Variants in PPP1R16B observed in about 807,000 individuals in gnomAD.
PPP1R16B encodes protein phosphatase 1 regulatory subunit 16B.
Under a neutral mutation model 61.7 loss-of-function variants are expected in PPP1R16B, and 14 were observed. The ratio of observed to expected loss-of-function variants is 0.23; its 90% CI spans 0.15 to 0.35. The LOEUF is 0.35. Ranked by LOEUF, PPP1R16B falls within the 10% of genes least tolerant of loss-of-function variation. PPP1R16B has a pLI of 1.00. For missense variants in PPP1R16B, 547 were observed against 752.5 expected, an observed-to-expected ratio of 0.73 and a Z score of 3.19; for synonymous variants, 266 against 305.3, an observed-to-expected ratio of 0.87 and a Z score of 1.34.
At position 38,918,256 on chromosome 20, in the gene PPP1R16B, G is replaced by A. The variant is rs1319703854; in HGVS notation, c.1294G>A (p.Val432Ile). The change falls in exon 11 of 11, where the codon GTC becomes ATC. Residue 432 changes from valine to isoleucine, a missense_variant. By Grantham distance (29) the Val-to-Ile change is conservative. Transcript: ENST00000299824. The surrounding 1 kb of genome is among the most constrained non-coding windows in gnomAD (Gnocchi z 5.3). Reference sequence around the variant, plus strand: ...TGTTGAGAATGGCCTCCGGGCTCCGGTCAGTGCCTACCAGTATGCGCTGGC... The same window carrying A: ...TGTTGAGAATGGCCTCCGGGCTCCGATCAGTGCCTACCAGTATGCGCTGGC... ...MPVENGLRAP[V>I]SAYQYALANG... The A allele has an allele frequency of 2.5e-6, 4 of 1,614,148 alleles. No homozygotes were observed. The highest frequency in any genetic ancestry group is 3.4e-6 in the Non-Finnish European group (4 of 1,180,058).
At chr20:38,901,798 A>G (rs953584910) in intron 5 of PPP1R16B, among the ~76,000 whole-genome samples, 20 of 152,262 alleles carry the variant, frequency 1.3e-4, no homozygotes, top group African/African-American at 3.4e-4. Flanking sequence ...ACATTTTTCA[A>G]TGTGTTAGAT....
At chr20:38,841,353 G>GAAAAAA (rs34203271) in intron 2 of PPP1R16B, among the ~76,000 whole-genome samples, 32 of 42,594 alleles carry the variant, frequency 7.5e-4, no homozygotes, top group African/African-American at 1.6e-3. Context: ...TGTCTGTACT[G>GAAAAAA]AAAAAAAAAA....
intron 2 of PPP1R16B, among the ~76,000 whole-genome samples, chr20:38,863,167 TTGCCTCTGG>T (rs2085065812): frequency 6.6e-6 from 1 of 152,150 alleles, no homozygotes; most frequent in Non-Finnish European, 1.5e-5. Context: ...TGGATGCAAG[TTGCCTCTGG>T]TGCTTACAAA....
chr20:38,895,546 G>C lies in PPP1R16B; in HGVS notation c.322-19G>C, dbSNP rs1568678460. The C allele has an allele frequency of 6.2e-7, 1 of 1,612,488 alleles. No homozygotes were observed. Among genetic ancestry groups the C allele is most frequent in the Admixed American group, 1.7e-5 (1 of 59,986 alleles). Reference sequence around the variant, plus strand: ...CAGTGCCCTGCCTGGAGCTGACTCTGCCTGTGTGTCTCTCCCAGTGCTGCA... The same window carrying C: ...CAGTGCCCTGCCTGGAGCTGACTCTCCCTGTGTGTCTCTCCCAGTGCTGCA... On this transcript the variant is annotated intron_variant, in intron 3 of 10. Transcript: ENST00000299824.
At chr20:38,820,972 C>T (rs1409011719) in intron 1 of PPP1R16B, among the ~76,000 whole-genome samples, 2 of 145,068 alleles carry the variant, frequency 1.4e-5, no homozygotes, top group Admixed American at 7.2e-5. Context: ...ACCCAGGAGG[C>T]GGAGCTTGCA....
intron 4 of PPP1R16B, among the ~76,000 whole-genome samples, chr20:38,897,812 C>G (rs994090388): frequency 1.3e-5 from 2 of 152,162 alleles, no homozygotes; most frequent in African/African-American, 4.8e-5. Flanking sequence ...GTGAGGTGGT[C>G]TCTCACTGTG....
At chr20:38,815,190 T>C (rs1372211706) in intron 1 of PPP1R16B, among the ~76,000 whole-genome samples, 2 of 152,222 alleles carry the variant, frequency 1.3e-5, no homozygotes. Context: ...AATCTATAAA[T>C]GTTTTATGTA....
chr20:38,816,458 G>T (rs1240001005), intron 1 of PPP1R16B, among the ~76,000 whole-genome samples: 3 of 152,146 alleles, frequency 2.0e-5, no homozygotes, highest in Non-Finnish European at 4.4e-5. Flanking sequence ...TCCATAGAAT[G>T]GTTTTCAATC....
At chr20:38,853,375 A>G (rs1479175021) in intron 2 of PPP1R16B, among the ~76,000 whole-genome samples, 1 of 152,234 alleles carries the variant, frequency 6.6e-6, no homozygotes, top group Non-Finnish European at 1.5e-5. Context: ...GAAGACTAAG[A>G]GAAGAAGATA....
At chr20:38,917,149 T>C (rs1207738569) in intron 10 of PPP1R16B, among the ~76,000 whole-genome samples, 1 of 151,950 alleles carries the variant, frequency 6.6e-6, no homozygotes, top group African/African-American at 2.4e-5. Flanking sequence ...TACAAAAATT[T>C]GCTGGGTGTG....
intron 2 of PPP1R16B, among the ~76,000 whole-genome samples, chr20:38,874,130 A>C (rs1310428260): frequency 2.0e-5 from 3 of 152,150 alleles, no homozygotes; most frequent in Non-Finnish European, 4.4e-5. Flanking sequence ...CAAGAAGGTG[A>C]ATCCTAGGAG....
intron 2 of PPP1R16B, among the ~76,000 whole-genome samples, chr20:38,840,167 C>T (rs1427070241): frequency 6.6e-6 from 1 of 152,222 alleles, no homozygotes; most frequent in Non-Finnish European, 1.5e-5. Context: ...ACTACAGAGC[C>T]TGCTGCTTTC....
chr20:38,880,102 C>G (rs6028176), intron 2 of PPP1R16B, among the ~76,000 whole-genome samples: 1 of 152,172 alleles, frequency 6.6e-6, no homozygotes, highest in South Asian at 2.1e-4. Flanking sequence ...GACTGGGGGC[C>G]TGAACTACAT....
intron 4 of PPP1R16B, 93 bp from the exon 5 acceptor site, chr20:38,900,487 CA>C: frequency 1.1e-6 from 1 of 916,566 alleles, no homozygotes; most frequent in Non-Finnish European, 1.7e-6. Context: ...CCGGGTTGTA[CA>C]GTAGGATTGC....
chr20:38,809,009 G>T (rs1192009713), intron 1 of PPP1R16B, among the ~76,000 whole-genome samples: 2 of 150,886 alleles, frequency 1.3e-5, no homozygotes, highest in African/African-American at 4.9e-5. Flanking sequence ...CTCCAGCCTG[G>T]GTGACAGAGC....
At chr20:38,810,362 G>A (rs780587546) in intron 1 of PPP1R16B, among the ~76,000 whole-genome samples, 33 of 152,220 alleles carry the variant, frequency 2.2e-4, no homozygotes, top group Non-Finnish European at 4.1e-4. Flanking sequence ...TCACTGACCC[G>A]AGGCAGTCCC....
At chr20:38,844,196 A>G (rs1172910579) in intron 2 of PPP1R16B, among the ~76,000 whole-genome samples, 2 of 152,234 alleles carry the variant, frequency 1.3e-5, no homozygotes, top group African/African-American at 4.8e-5. Flanking sequence ...ATGTTGACAC[A>G]TTGCTTTATA....
intron 2 of PPP1R16B, among the ~76,000 whole-genome samples, chr20:38,868,994 C>G (rs753010089): frequency 8.5e-5 from 13 of 152,058 alleles, no homozygotes; most frequent in African/African-American, 1.2e-4. Flanking sequence ...CTCTAGGACA[C>G]TGCCATCAGT....
intron 1 of PPP1R16B, among the ~76,000 whole-genome samples, chr20:38,815,631 TC>T (rs2145705218): frequency 6.6e-6 from 1 of 152,344 alleles, no homozygotes; most frequent in East Asian, 1.9e-4. Flanking sequence ...TATGACTGTT[TC>T]CCCCATCTAT....
Sources: allele counts gnomAD v4.1 joint callset (sites outside exome capture counted in the v4.1 genomes callset), GRCh38; gene constraint gnomAD v4.1.1; non-coding constraint Gnocchi (gnomAD v3.1); transcripts MANE v1.5; gene names NCBI Gene and HGNC (gene_info 2026-07-23, HGNC 2026-07-21).